The following ESYT3 variants were observed in gnomAD, a reference collection of about 807,000 sequenced individuals.
The protein encoded by ESYT3 is extended synaptotagmin 3.
A neutral mutation model predicts 111.5 loss-of-function variants in ESYT3; 101 were observed. That is an observed-to-expected ratio of 0.91 (90% CI 0.77 to 1.07). ESYT3 has a LOEUF of 1.07. Ranked by LOEUF, ESYT3 falls within the 50% of genes least tolerant of loss-of-function variation. The pLI is 0.00. For synonymous variants in ESYT3, 416 were observed against 446.8 expected, an observed-to-expected ratio of 0.93 and a Z score of 0.87; for missense variants, 1,097 against 1,109.4, an observed-to-expected ratio of 0.99 and a Z score of 0.16.
At chr3:138,460,491 G>C in intron 6 of ESYT3, 120 bp from the exon 7 acceptor site, 1 of 1,124,736 alleles carries the variant, frequency 8.9e-7, no homozygotes, top group Non-Finnish European at 1.3e-6. Context: ...GCTTTCCTCC[G>C]AACCCCCACC....
intron 15 of ESYT3, 126 bp from the exon 16 acceptor site, chr3:138,469,934 T>G: frequency 1.5e-6 from 1 of 688,980 alleles, no homozygotes; most frequent in African/African-American, 1.8e-5. Context: ...CGTGTTTGGG[T>G]CTGATCCCAG....
Position 138,478,838 on chromosome 3 carries a change from A to C in ESYT3, c.*1984A>C, listed in dbSNP as rs2033601892. 1 of 152,220 alleles carries C rather than the reference A, an allele frequency of 6.6e-6. No homozygotes were observed. Among genetic ancestry groups the C allele is most frequent in the Admixed American group, 6.5e-5 (1 of 15,290 alleles). The allele number at this position is 152,220 out of a possible 1,614,324, so 9.4% of individuals were successfully genotyped here. On this transcript the variant is annotated 3_prime_UTR_variant, in exon 23 of 23. Coordinates refer to ENST00000389567, the MANE Select transcript of ESYT3 (RefSeq NM_031913.5). ...TTGGTTTTCAGCAGTGGGTGGAAAC[A>C]ATCAGCTAATATGCAGGAGCATAGG...
Position 138,464,347 on chromosome 3 carries a change from G to A in ESYT3, c.918G>A (p.Gly306=). The change falls in exon 9 of 23, where the codon GGG becomes GGA. Residue 306 remains glycine, a splice_region_variant and synonymous_variant. Transcript: ENST00000389567. ...CCCTGGGCTTGGACATTTTCCAGGG[G>A]GTGATCAGAGTGCACTTGCTGGAGG... ...LTNLRFPLPC[G]VIRVHLLEAE... 1 of 1,614,038 alleles carries A rather than the reference G, an allele frequency of 6.2e-7. No individual in the cohort carries two copies. The highest frequency in any genetic ancestry group is 8.5e-7 in the Non-Finnish European group (1 of 1,179,922).
At chr3:138,452,143 C>T (rs924936607) in intron 2 of ESYT3, 54 bp downstream of exon 2, 30 of 1,570,614 alleles carry the variant, frequency 1.9e-5, no homozygotes, top group Non-Finnish European at 2.4e-5. Context: ...CCTCGTCCTC[C>T]CCGCGGCTGT....
rs2033489041 is a variant in ESYT3, at chr3:138,476,509, A to G, written c.2624+17A>G. ...TTCACAATGGTAAGTGTGCCCTTTC[A>G]TTTTATCACTGTTATCCTGCTATTC... On this transcript the variant is annotated intron_variant, in intron 22 of 22. Coordinates refer to ENST00000389567, the MANE Select transcript of ESYT3 (RefSeq NM_031913.5). 1 of 1,611,940 alleles carries G rather than the reference A, an allele frequency of 6.2e-7. No homozygotes were observed. Among genetic ancestry groups the G allele is most frequent in the Non-Finnish European group, 8.5e-7 (1 of 1,179,014 alleles).
intron 2 of ESYT3, among the ~76,000 whole-genome samples, chr3:138,452,343 G>C (rs2108605229): frequency 6.6e-6 from 1 of 152,280 alleles, no homozygotes; most frequent in African/African-American, 2.4e-5. Context: ...ATCCCCACTA[G>C]CTCACCAGGC....
At chr3:138,458,982 C>T (rs1028415279) in intron 4 of ESYT3, among the ~76,000 whole-genome samples, 2 of 152,094 alleles carry the variant, frequency 1.3e-5, no homozygotes, top group Non-Finnish European at 2.9e-5. Flanking sequence ...CTCCTGGGGT[C>T]TGGGCTTGGA....
At chr3:138,451,952 G>A in intron 1 of ESYT3, 96 bp from the exon 2 acceptor site, 1 of 1,354,654 alleles carries the variant, frequency 7.4e-7, no homozygotes, top group Non-Finnish European at 1.1e-6. Context: ...GAGGTGCAGC[G>A]CGTGGGCGGA....
Position 138,435,413 on chromosome 3 carries a change from C to T in ESYT3, c.327+288C>T, listed in dbSNP as rs778106842. On this transcript the variant is annotated intron_variant, in intron 1 of 22. Coordinates refer to ENST00000389567, the MANE Select transcript of ESYT3 (RefSeq NM_031913.5). The surrounding 1 kb of genome is among the most constrained non-coding windows in gnomAD (Gnocchi z 4.8). Reference sequence around the variant, plus strand: ...CTCGAGAGAAGAGTCACGGGCAGACCACACCCGGGAGAAAAACAAGGGCGT... The same window carrying T: ...CTCGAGAGAAGAGTCACGGGCAGACTACACCCGGGAGAAAAACAAGGGCGT... Among the ~76,000 whole-genome samples the T allele has an allele frequency of 6.6e-6, 1 of 152,208 alleles. No homozygotes were observed. The highest frequency in any genetic ancestry group is 6.5e-5 in the Admixed American group (1 of 15,288).
chr3:138,476,416 G>C (rs1421584567), intron 21 of ESYT3, 27 bp from the exon 22 acceptor site: 1 of 1,612,186 alleles, frequency 6.2e-7, no homozygotes, highest in South Asian at 1.1e-5. Context: ...TGTTTTGGAG[G>C]GGAACTAATT....
chr3:138,437,294 A>G (rs2030785133), intron 1 of ESYT3, among the ~76,000 whole-genome samples: 1 of 152,140 alleles, frequency 6.6e-6, no homozygotes, highest in East Asian at 1.9e-4. Context: ...AGGTTTCCAT[A>G]TCATATTGTC....
At position 138,477,941 on chromosome 3, in the gene ESYT3, ACT is replaced by A. The variant is rs2033562206; in HGVS notation, c.*1090_*1091del. The stretch of plus-strand genomic sequence containing the variant: ...TTCGAGAACAAAGTTTTGTCATGTT[ACT>A]CTTATTCCAGTTTCCTGCCATCTGA... On this transcript the variant is annotated 3_prime_UTR_variant, in exon 23 of 23. Coordinates refer to ENST00000389567, the MANE Select transcript of ESYT3 (RefSeq NM_031913.5). 6.6e-6 allele frequency: 1 copy of A among 152,108 alleles called. No homozygotes were observed. Among genetic ancestry groups the A allele is most frequent in the African/African-American group, 2.4e-5 (1 of 41,426 alleles). The allele number at this position is 152,108 out of a possible 1,614,324, so 9.4% of individuals were successfully genotyped here.
intron 6 of ESYT3, 46 bp downstream of exon 6, chr3:138,460,080 G>C: frequency 1.3e-6 from 2 of 1,548,296 alleles, no homozygotes; most frequent in Non-Finnish European, 1.8e-6. Context: ...CTGGGAGTAG[G>C]CACTGGTCTG....
chr3:138,465,165 ATCT>A (rs2032861233), intron 9 of ESYT3, among the ~76,000 whole-genome samples, 171 bp from the exon 10 acceptor site: 1 of 152,080 alleles, frequency 6.6e-6, no homozygotes, highest in Non-Finnish European at 1.5e-5. Flanking sequence ...GTTTTCTCTA[ATCT>A]TCTCTTCCCC....
intron 2 of ESYT3, 138 bp downstream of exon 2, chr3:138,452,227 T>C (rs1214655418): frequency 1.1e-5 from 8 of 729,452 alleles, no homozygotes; most frequent in African/African-American, 1.8e-5. Context: ...CCTTTCCCTC[T>C]TCTTTCACCA....
In ESYT3 at chr3:138,478,586, A is replaced by AAACTT. The variant is rs1475871144; in HGVS notation, c.*1735_*1739dup. ...AGTGAAAACCTACCCCTCTTCTTCC[A>AAACTT]AACTTAAACCACAAACATTTATTTT... is the stretch of plus-strand genomic sequence containing the variant. On this transcript the variant is annotated 3_prime_UTR_variant, in exon 23 of 23. Transcript: ENST00000389567. The AAACTT allele has an allele frequency of 5.3e-5, 8 of 152,344 alleles. No individual in the cohort carries two copies. The East Asian group carries it at 1.3e-3, about 26-fold the overall frequency. The allele number at this position is 152,344 out of a possible 1,614,324, so 9.4% of individuals were successfully genotyped here.
At chr3:138,460,136 C>T in intron 6 of ESYT3, 102 bp downstream of exon 6, 4 of 1,017,320 alleles carry the variant, frequency 3.9e-6, no homozygotes, top group Non-Finnish European at 4.5e-6. Context: ...GACATTGTCC[C>T]AGCCCACTGA....
chr3:138,437,117 T>C (rs2030766253), intron 1 of ESYT3, among the ~76,000 whole-genome samples: 1 of 151,966 alleles, frequency 6.6e-6, no homozygotes, highest in African/African-American at 2.4e-5. Context: ...TTGACCCAGC[T>C]GGGTAGAGGG....
At chr3:138,454,278 C>T (rs1332437237) in intron 2 of ESYT3, among the ~76,000 whole-genome samples, 1 of 151,600 alleles carries the variant, frequency 6.6e-6, no homozygotes, top group African/African-American at 2.4e-5. Context: ...TGGCTCACAC[C>T]TGTAATCCCA....
Sources: allele counts gnomAD v4.1 joint callset (sites outside exome capture counted in the v4.1 genomes callset), GRCh38; gene constraint gnomAD v4.1.1; non-coding constraint Gnocchi (gnomAD v3.1); transcripts MANE v1.5; gene names NCBI Gene and HGNC (gene_info 2026-07-23, HGNC 2026-07-21).